STK32B: variants seen among roughly 807,000 people sequenced by gnomAD.
The protein encoded by STK32B is serine/threonine-protein kinase 32B.
Under a neutral mutation model 52.6 loss-of-function variants are expected in STK32B, and 43 were observed. The observed-to-expected ratio is 0.82, with a 90% confidence interval of 0.64 to 1.05. The LOEUF (loss-of-function observed/expected upper bound fraction) is 1.05, where lower values mean the gene tolerates loss of function less well. Ranked by LOEUF, STK32B falls within the 50% of genes least tolerant of loss-of-function variation. The pLI, the probability that STK32B is intolerant of heterozygous loss-of-function variation, is 0.00. For missense variants in STK32B, 621 were observed against 534.6 expected (o/e 1.16, Z -1.59); for synonymous variants, 238 against 204.3 (o/e 1.17, Z -1.41).
At chr4:5,463,305 C>G (rs572776972) in intron 9 of STK32B, among the ~76,000 whole-genome samples, 2 of 151,074 alleles carry the variant, frequency 1.3e-5, no homozygotes, top group Non-Finnish European at 2.9e-5. Flanking sequence ...TCTGAGCCTT[C>G]CCTGAGGCTG....
chr4:5,030,318 G>A, the STK32B span, among the ~76,000 whole-genome samples: 1 of 152,312 alleles, frequency 6.6e-6, no homozygotes, highest in Non-Finnish European at 1.5e-5. Context: ...TTCTTTATCA[G>A]ATTTGGGATT....
At chr4:5,283,292 A>G (rs1284718208) in intron 3 of STK32B, among the ~76,000 whole-genome samples, 2 of 143,690 alleles carry the variant, frequency 1.4e-5, no homozygotes, top group Non-Finnish European at 3.0e-5. Context: ...CATTGTTTAT[A>G]TTACCCAGTC....
At position 5,407,445 on chromosome 4, in the gene STK32B, A is replaced by G. The variant is rs188903164; in HGVS notation, c.472+9201A>G. On this transcript the variant is annotated intron_variant, in intron 5 of 11. Transcript: ENST00000282908. ...GGAGTCTTTATAGCAGTGTCCCACTACTGGTACCAATTTTCTATATTAGTT... is the reference window on the plus strand; with the variant it reads ...GGAGTCTTTATAGCAGTGTCCCACTGCTGGTACCAATTTTCTATATTAGTT... 1.2e-3 allele frequency among the ~76,000 whole-genome samples: 177 copies of G among 152,116 alleles called. 1 individual carries two copies. Among genetic ancestry groups the G allele is most frequent in the Middle Eastern group, 6.8e-3 (2 of 294 alleles).
chr4:5,410,235 C>G (rs1407414794), intron 5 of STK32B, among the ~76,000 whole-genome samples: 1 of 152,150 alleles, frequency 6.6e-6, no homozygotes, highest in Non-Finnish European at 1.5e-5. Flanking sequence ...GGGCCCACAG[C>G]CCTGATTCTC....
At chr4:5,371,820 C>T (rs569291268) in intron 4 of STK32B, among the ~76,000 whole-genome samples, 1 of 152,332 alleles carries the variant, frequency 6.6e-6, no homozygotes, top group African/African-American at 2.4e-5. Context: ...AGACTTGAGC[C>T]CCAGGACAGA....
chr4:5,333,542 G>A (rs997107522), intron 4 of STK32B, among the ~76,000 whole-genome samples: 1 of 152,132 alleles, frequency 6.6e-6, no homozygotes, highest in Non-Finnish European at 1.5e-5. Context: ...TAGACATGAA[G>A]TCCTTGCCCA....
intron 2 of STK32B, among the ~76,000 whole-genome samples, chr4:5,153,540 A>G (rs1717546556): frequency 6.6e-6 from 1 of 151,906 alleles, no homozygotes; most frequent in South Asian, 2.1e-4. Context: ...AGTAGGGCCT[A>G]GAAGGAACTC....
rs1716265097 is a variant in STK32B at position 5,453,998 on chromosome 4, T to C, written c.667-2809T>C. Among the ~76,000 whole-genome samples, 1 of 152,082 alleles carries C rather than the reference T, an allele frequency of 6.6e-6. No individual in the cohort carries two copies. The highest frequency in any genetic ancestry group is 1.5e-5 in the Non-Finnish European group (1 of 68,010). On this transcript the variant is annotated intron_variant, in intron 7 of 11. Coordinates refer to ENST00000282908, the MANE Select transcript of STK32B (RefSeq NM_018401.3). This position sits in a 1 kb window ranked among gnomAD's most constrained non-coding sequence, Gnocchi z 4.0. Reference sequence around the variant, plus strand: ...TCTCCTGTCCCTGCCCCTGTGGAAATTATAGAGAACTGCCCTTCCGCAAAC... The same window carrying C: ...TCTCCTGTCCCTGCCCCTGTGGAAACTATAGAGAACTGCCCTTCCGCAAAC...
chr4:5,213,740 CTTT>C (rs1166833132), intron 3 of STK32B, among the ~76,000 whole-genome samples: 2 of 152,126 alleles, frequency 1.3e-5, no homozygotes, highest in African/African-American at 2.4e-5. Context: ...CTGTTTGCTC[CTTT>C]TTAAGAAGGT....
intron 3 of STK32B, among the ~76,000 whole-genome samples, chr4:5,248,160 G>T (rs537070652): frequency 1.3e-5 from 2 of 152,318 alleles, no homozygotes; most frequent in African/African-American, 4.8e-5. Flanking sequence ...TTATAAGTGA[G>T]AAAATGAGGT....
intron 3 of STK32B, among the ~76,000 whole-genome samples, chr4:5,287,501 A>G (rs1010231376): frequency 1.3e-5 from 2 of 152,012 alleles, no homozygotes; most frequent in African/African-American, 4.8e-5. Flanking sequence ...TTTATTTTTG[A>G]ATAGATACAT....
intron 2 of STK32B, among the ~76,000 whole-genome samples, chr4:5,143,407 G>A (rs553549506): frequency 6.6e-6 from 1 of 152,266 alleles, no homozygotes; most frequent in African/African-American, 2.4e-5. Context: ...TTGGATCCTG[G>A]TGAGCCTCCC....
chr4:5,287,988 T>G (rs1728660015), intron 3 of STK32B, among the ~76,000 whole-genome samples: 1 of 152,204 alleles, frequency 6.6e-6, no homozygotes, highest in Non-Finnish European at 1.5e-5. Context: ...GCTTGTTCCA[T>G]AAAAGTTGAA....
intron 4 of STK32B, among the ~76,000 whole-genome samples, chr4:5,371,006 A>G (rs201126577): frequency 1.9e-4 from 24 of 129,256 alleles, no homozygotes; most frequent in African/African-American, 6.4e-4. Flanking sequence ...GTATATATAT[A>G]TATATGTATA....
intron 8 of STK32B, among the ~76,000 whole-genome samples, chr4:5,459,507 G>A (rs2109148673): frequency 6.6e-6 from 1 of 152,334 alleles, no homozygotes; most frequent in South Asian, 2.1e-4. Context: ...CTTTTCAGTA[G>A]ATAAGCTACA....
intron 3 of STK32B, among the ~76,000 whole-genome samples, chr4:5,201,235 C>T (rs939374132): frequency 2.0e-5 from 3 of 152,082 alleles, no homozygotes; most frequent in South Asian, 2.1e-4. Context: ...TCTCCTGTGC[C>T]GAAAGTCAGT....
Position 5,059,006 on chromosome 4 carries a change from C to G in STK32B, c.52+7091C>G, listed in dbSNP as rs548051749. Reference sequence around the variant, plus strand: ...CCTCAGGTGATCTGCCCACCTTGGCCTCCCAAAGTTCTGAGATTACAGGCG... The same window carrying G: ...CCTCAGGTGATCTGCCCACCTTGGCGTCCCAAAGTTCTGAGATTACAGGCG... On this transcript the variant is annotated intron_variant, in intron 1 of 11. Coordinates refer to ENST00000282908, the MANE Select transcript of STK32B (RefSeq NM_018401.3). 2.1e-5 allele frequency among the ~76,000 whole-genome samples: 3 copies of G among 146,214 alleles called. No individual in the cohort carries two copies. The East Asian group carries it at 6.4e-4, about 31-fold the overall frequency.
chr4:5,439,516 T>A (rs1374189830), intron 6 of STK32B, among the ~76,000 whole-genome samples: 2 of 151,786 alleles, frequency 1.3e-5, no homozygotes, highest in African/African-American at 4.9e-5. Flanking sequence ...CTTTGTCAGA[T>A]GAGTAGGTTG....
chr4:5,481,778 G>C (rs1453848961), intron 11 of STK32B, among the ~76,000 whole-genome samples: 1 of 152,164 alleles, frequency 6.6e-6, no homozygotes, highest in Non-Finnish European at 1.5e-5. Context: ...GTAAGGAAGG[G>C]ATCCAGTTTC....
Sources: gnomAD v4.1 joint callset for allele counts (sites outside exome capture counted in the v4.1 genomes callset) on GRCh38, gnomAD v4.1.1 for gene constraint, Gnocchi (gnomAD v3.1) non-coding constraint, MANE v1.5 for transcripts, NCBI Gene and HGNC (gene_info 2026-07-23, HGNC 2026-07-21) for gene names.